Variants in DACH2 observed in about 807,000 individuals in gnomAD.
The protein encoded by DACH2 is dachshund family transcription factor 2, also known as dachshund homolog 2.
A neutral mutation model predicts 35.8 loss-of-function variants in DACH2; 17 were observed. That is an observed-to-expected ratio of 0.48 (90% confidence interval 0.33 to 0.71). DACH2 has a LOEUF of 0.71. Among genes scored for constraint, DACH2 ranks in the 30% least tolerant of loss-of-function variants. DACH2 has a pLI of 0.02. For missense variants in DACH2, 469 were observed against 472.7 expected (o/e 0.99, Z 0.07); for synonymous variants, 195 against 177.3 (o/e 1.10, Z -0.79).
chrX:86,325,252 T>A (rs1339367854), intron 1 of DACH2, among the ~76,000 whole-genome samples: 1 of 111,864 alleles, frequency 8.9e-6, no homozygotes, highest in Non-Finnish European at 1.9e-5. Flanking sequence ...GCATATGACT[T>A]TCATGTCAGT....
intron 3 of DACH2, among the ~76,000 whole-genome samples, chrX:86,517,481 A>G (rs1871736959): frequency 9.4e-6 from 1 of 106,323 alleles, no homozygotes; most frequent in South Asian, 4.2e-4. Flanking sequence ...CAGTGGTGCA[A>G]TCTCGGCTCA....
intron 4 of DACH2, among the ~76,000 whole-genome samples, chrX:86,693,590 T>C (rs1197062654): frequency 8.9e-6 from 1 of 112,400 alleles, no homozygotes; most frequent in Non-Finnish European, 1.9e-5. Flanking sequence ...TGTAATTTGC[T>C]TGAATAAATG....
intron 1 of DACH2, chrX:86,184,212 A>ATTTTTTT (rs34655546): frequency 1.2e-5 from 2 of 162,273 alleles, no homozygotes; most frequent in Non-Finnish European, 2.3e-5. Context: ...TAGTCTTCTG[A>ATTTTTTT]TTTTTTTTTT....
At chrX:86,533,103 G>A (rs185102967) in intron 3 of DACH2, among the ~76,000 whole-genome samples, 141 of 109,464 alleles carry the variant, frequency 1.3e-3, no homozygotes, top group African/African-American at 4.5e-3. Context: ...AGGCTGCAGG[G>A]CAGTGGCATA....
chrX:86,400,471 C>A (rs1256020411), intron 2 of DACH2, among the ~76,000 whole-genome samples: 1 of 111,446 alleles, frequency 9.0e-6, no homozygotes, highest in East Asian at 2.8e-4. Flanking sequence ...TTTATCATTT[C>A]CAGTTTTTCT....
chrX:86,354,924 T>C (rs1442272081), intron 1 of DACH2, among the ~76,000 whole-genome samples: 2 of 111,626 alleles, frequency 1.8e-5, no homozygotes, highest in Non-Finnish European at 3.8e-5. Context: ...CTTTCTATCT[T>C]TTATTTTATG....
intron 3 of DACH2, among the ~76,000 whole-genome samples, chrX:86,516,581 G>C (rs1481083206): frequency 9.4e-6 from 1 of 106,626 alleles, no homozygotes; most frequent in African/African-American, 3.7e-5. Flanking sequence ...GCAAGTGAGT[G>C]GCAGAACTGA....
chrX:86,491,734 C>T (rs1045947191), intron 2 of DACH2, among the ~76,000 whole-genome samples: 8 of 111,393 alleles, frequency 7.2e-5, no homozygotes, highest in African/African-American at 1.3e-4. Flanking sequence ...AAATGACAGT[C>T]GGGATGCGAC....
intron 1 of DACH2, among the ~76,000 whole-genome samples, chrX:86,270,739 G>A (rs1569323367): frequency 9.0e-6 from 1 of 111,150 alleles, no homozygotes; most frequent in East Asian, 2.8e-4. Context: ...GTTATATTTG[G>A]ATAATGGAAA....
chrX:86,756,941 A>T (rs1213964874), intron 7 of DACH2, among the ~76,000 whole-genome samples: 1 of 111,275 alleles, frequency 9.0e-6, no homozygotes, highest in Non-Finnish European at 1.9e-5. Context: ...ATTATTATTA[A>T]AAGACAGTGA....
At chrX:86,721,544 C>T (rs757042867) in intron 6 of DACH2, among the ~76,000 whole-genome samples, 1 of 111,734 alleles carries the variant, frequency 8.9e-6, no homozygotes, top group South Asian at 3.8e-4. Flanking sequence ...CAAACCCATT[C>T]AATGAGTCTC....
chrX:86,420,606 C>A (rs1295441915), intron 2 of DACH2, among the ~76,000 whole-genome samples: 1 of 111,411 alleles, frequency 9.0e-6, no homozygotes, highest in African/African-American at 3.3e-5. Context: ...CTTACTTTTA[C>A]GGTATAATTA....
At chrX:86,747,918 A>G (rs780199562) in intron 7 of DACH2, among the ~76,000 whole-genome samples, 1 of 112,103 alleles carries the variant, frequency 8.9e-6, no homozygotes, top group South Asian at 3.7e-4. Flanking sequence ...CCACTCTTTT[A>G]CCAACTAACT....
Position 86,159,811 on chromosome X carries a change from C to T in DACH2, c.488+10703C>T, listed in dbSNP as rs775480419. 9.0e-5 allele frequency among the ~76,000 whole-genome samples: 10 copies of T among 111,373 alleles called. No individual in the cohort carries two copies. The South Asian group carries it at 2.2e-3, about 25-fold the overall frequency. On this transcript the variant is annotated intron_variant, in intron 1 of 11. Coordinates refer to ENST00000373125, the MANE Select transcript of DACH2 (RefSeq NM_053281.3). ...GTAAACAATACATATAATTCAAAAA[C>T]GTGGAAAATTAAAATAACATTGATT...
At chrX:86,219,409 G>A (rs2032651452) in intron 1 of DACH2, among the ~76,000 whole-genome samples, 1 of 111,238 alleles carries the variant, frequency 9.0e-6, no homozygotes, top group Non-Finnish European at 1.9e-5. Context: ...TCATCACCTA[G>A]GCATTAAGCC....
chrX:86,258,384 T>A, intron 1 of DACH2, among the ~76,000 whole-genome samples: 1 of 111,247 alleles, frequency 9.0e-6, no homozygotes, highest in African/African-American at 3.3e-5. Flanking sequence ...ATCTTTTCTT[T>A]TCTTTTTTAC....
chrX:86,787,984 C>A (rs1209518992), intron 7 of DACH2, among the ~76,000 whole-genome samples: 1 of 111,225 alleles, frequency 9.0e-6, no homozygotes, highest in Non-Finnish European at 1.9e-5. Context: ...GAGTGCACTA[C>A]TTGACCTTTT....
chrX:86,817,644 T>G (rs1289181741), intron 11 of DACH2, among the ~76,000 whole-genome samples: 1 of 111,801 alleles, frequency 8.9e-6, no homozygotes, highest in Non-Finnish European at 1.9e-5. Context: ...TTAATTTATA[T>G]GATACCTTTA....
At chrX:86,276,371 A>G (rs1031621611) in intron 1 of DACH2, among the ~76,000 whole-genome samples, 21 of 112,086 alleles carry the variant, frequency 1.9e-4, no homozygotes, top group African/African-American at 4.9e-4. Context: ...CCCATTTTTG[A>G]TCAGATTATT....
Sources: gnomAD v4.1 joint callset for allele counts (sites outside exome capture counted in the v4.1 genomes callset) on GRCh38, gnomAD v4.1.1 for gene constraint, MANE v1.5 for transcripts, NCBI Gene and HGNC (gene_info 2026-07-23, HGNC 2026-07-21) for gene names.